The following SLCO1B1 variants were observed in gnomAD, a reference collection of about 807,000 sequenced individuals.
SLCO1B1 encodes the protein solute carrier organic anion transporter family member 1B1, also known as OATP-2.
In SLCO1B1, 81 loss-of-function variants were observed where a neutral mutation model predicts 70.1. The ratio of observed to expected loss-of-function variants is 1.16; its 90% CI spans 0.97 to 1.39. The LOEUF is 1.39. SLCO1B1 is among the 40% of genes most tolerant of loss of function. The pLI, the probability that SLCO1B1 is intolerant of heterozygous loss-of-function variation, is 0.00. For missense variants in SLCO1B1, 895 were observed against 799.6 expected (o/e 1.12, Z -1.44); for synonymous variants, 283 against 271.5 (o/e 1.04, Z -0.42).
intron 7 of SLCO1B1, among the ~76,000 whole-genome samples, chr12:21,182,279 C>A (rs925374367): frequency 1.3e-5 from 2 of 152,136 alleles, no homozygotes; most frequent in African/African-American, 4.8e-5. Flanking sequence ...TACAAGAGAA[C>A]CCACGACCCC....
chr12:21,209,656 C>A (rs1269806938), intron 11 of SLCO1B1, among the ~76,000 whole-genome samples: 2 of 151,672 alleles, frequency 1.3e-5, no homozygotes, highest in Non-Finnish European at 1.5e-5. Context: ...AATGGTTAAA[C>A]TAGTTTACAG....
intron 2 of SLCO1B1, among the ~76,000 whole-genome samples, chr12:21,155,800 G>A (rs2121068081): frequency 6.6e-6 from 1 of 152,236 alleles, no homozygotes; most frequent in East Asian, 1.9e-4. Flanking sequence ...ATTGCTTTGA[G>A]GAGATTGTTA....
intron 2 of SLCO1B1, among the ~76,000 whole-genome samples, chr12:21,170,273 A>G (rs1197635653): frequency 6.6e-6 from 1 of 152,192 alleles, no homozygotes; most frequent in Non-Finnish European, 1.5e-5. Context: ...GAAAGACTCT[A>G]GTGAGAGAGA....
At chr12:21,138,058 G>T (rs1940252811) in intron 1 of SLCO1B1, among the ~76,000 whole-genome samples, 1 of 152,190 alleles carries the variant, frequency 6.6e-6, no homozygotes, top group South Asian at 2.1e-4. Context: ...AAAGTTGTCT[G>T]CCTTGATAAG....
intron 4 of SLCO1B1, 67 bp from the exon 5 acceptor site, chr12:21,176,709 T>C (rs751150442): frequency 9.3e-5 from 116 of 1,245,050 alleles, no homozygotes; most frequent in Non-Finnish European, 1.3e-4. Flanking sequence ...TATTTCTCTG[T>C]ATTTCTAGGA....
At chr12:21,221,714 A>C (rs1447803657) in intron 12 of SLCO1B1, among the ~76,000 whole-genome samples, 1 of 152,186 alleles carries the variant, frequency 6.6e-6, no homozygotes, top group Non-Finnish European at 1.5e-5. Flanking sequence ...GTGAGATTCC[A>C]TTTTATACCA....
chr12:21,172,593 G>C, intron 2 of SLCO1B1, 57 bp from the exon 3 acceptor site: 2 of 1,564,908 alleles, frequency 1.3e-6, no homozygotes, highest in Admixed American at 3.3e-5. Flanking sequence ...TGTGCCTATT[G>C]ACATTATATA....
rs1402794290 is a variant in SLCO1B1 at position 21,215,219 on chromosome 12, A to G, written c.1498-1900A>G. Among the ~76,000 whole-genome samples, 4 of 152,244 alleles carry G rather than the reference A, an allele frequency of 2.6e-5. No homozygotes were observed. The East Asian group carries it at 7.7e-4, about 29-fold the overall frequency. The stretch of plus-strand genomic sequence containing the variant: ...TCTAGGATTTCCAGTACTATGTTGA[A>G]TAGGAGTGGTGAGAGTGGGCATTCA... On this transcript the variant is annotated intron_variant, in intron 11 of 14. Coordinates refer to ENST00000256958, the MANE Select transcript of SLCO1B1 (RefSeq NM_006446.5).
At chr12:21,227,499 A>C (rs180738052) in intron 14 of SLCO1B1, among the ~76,000 whole-genome samples, 132 of 152,286 alleles carry the variant, frequency 8.7e-4, no homozygotes, top group African/African-American at 3.1e-3. Flanking sequence ...AGCAGATAAA[A>C]TGATCCAACT....
intron 2 of SLCO1B1, among the ~76,000 whole-genome samples, chr12:21,160,157 G>T (rs1000576938): frequency 6.8e-6 from 1 of 146,880 alleles, no homozygotes; most frequent in Non-Finnish European, 1.5e-5. Context: ...AACCAAAATG[G>T]CCAAATAGCG....
At chr12:21,204,025 T>G (rs187062102) in intron 10 of SLCO1B1, among the ~76,000 whole-genome samples, 1 of 152,158 alleles carries the variant, frequency 6.6e-6, no homozygotes, top group East Asian at 1.9e-4. Context: ...TCCTTAAAGG[T>G]AAATATTAAG....
chr12:21,227,451 C>T (rs1410220274), intron 14 of SLCO1B1, among the ~76,000 whole-genome samples: 1 of 152,066 alleles, frequency 6.6e-6, no homozygotes, highest in African/African-American at 2.4e-5. Flanking sequence ...AACAGACTCT[C>T]TTCCATTTAA....
At chr12:21,137,314 G>C (rs527783095) in intron 1 of SLCO1B1, among the ~76,000 whole-genome samples, 1,803 of 152,294 alleles carry the variant, frequency 0.012, 15 homozygotes, top group Admixed American at 0.017. Flanking sequence ...CCTGTTCTCA[G>C]ATCTCAAGCT....
At chr12:21,213,008 C>A (rs1469219642) in intron 11 of SLCO1B1, among the ~76,000 whole-genome samples, 3 of 151,710 alleles carry the variant, frequency 2.0e-5, no homozygotes, top group African/African-American at 7.3e-5. Flanking sequence ...TGGGTCTTGA[C>A]TCTTTATCCA....
intron 7 of SLCO1B1, among the ~76,000 whole-genome samples, chr12:21,189,469 A>G (rs997444050): frequency 1.8e-4 from 27 of 147,490 alleles, no homozygotes; most frequent in African/African-American, 6.5e-4. Flanking sequence ...TTTTTTTTTG[A>G]GTCACTCTCA....
intron 2 of SLCO1B1, among the ~76,000 whole-genome samples, chr12:21,156,370 G>C (rs930104686): frequency 2.0e-5 from 3 of 152,118 alleles, no homozygotes; most frequent in Admixed American, 2.0e-4. Context: ...TTTGTAAGCA[G>C]CTAAATCTAA....
intron 1 of SLCO1B1, among the ~76,000 whole-genome samples, chr12:21,139,089 ACAT>A (rs1166770184): frequency 6.6e-6 from 1 of 152,182 alleles, no homozygotes; most frequent in Non-Finnish European, 1.5e-5. Context: ...AGCCTTCAAG[ACAT>A]CAAGAATATT....
At chr12:21,205,464 T>G (rs1941204875) in intron 10 of SLCO1B1, among the ~76,000 whole-genome samples, 1 of 151,882 alleles carries the variant, frequency 6.6e-6, no homozygotes, top group Admixed American at 6.6e-5. Context: ...CACAAGACTT[T>G]ACAGTGAGCT....
chr12:21,183,129 C>T (rs2900476), intron 7 of SLCO1B1, among the ~76,000 whole-genome samples: 106,223 of 152,110 alleles, frequency 0.7, 38,083 homozygotes, highest in South Asian at 0.89. Context: ...GTTATGTCCC[C>T]GAGTAACAGC....
Sources: gnomAD v4.1 joint callset for allele counts (sites outside exome capture counted in the v4.1 genomes callset) on GRCh38, gnomAD v4.1.1 for gene constraint, MANE v1.5 for transcripts, NCBI Gene and HGNC (gene_info 2026-07-23, HGNC 2026-07-21) for gene names.